The following ODC1 variants were observed in gnomAD, a reference collection of about 807,000 sequenced individuals.
ODC1 encodes ornithine decarboxylase.
Under a neutral mutation model 41.5 loss-of-function variants are expected in ODC1, and 18 were observed. That is an observed-to-expected ratio of 0.43 (90% confidence interval 0.30 to 0.64). The LOEUF is 0.64. Among genes scored for constraint, ODC1 ranks in the 30% least tolerant of loss-of-function variants. The probability of loss-of-function intolerance (pLI) is 0.11; values close to 1 mark genes in which losing one functional copy is unlikely to be tolerated. For missense variants in ODC1, 504 were observed against 589.0 expected (o/e 0.86, Z 1.49); for synonymous variants, 218 against 211.6 (o/e 1.03, Z -0.26).
At chr2:10,442,196 G>T (rs1303250263) in intron 8 of ODC1, 22 bp from the exon 9 acceptor site, 1 of 1,578,074 alleles carries the variant, frequency 6.3e-7, no homozygotes, top group African/African-American at 1.4e-5. Flanking sequence ...AAACAGAAAA[G>T]AAAGAGCAGC....
intron 8 of ODC1, among the ~76,000 whole-genome samples, chr2:10,442,533 T>G (rs569274100): frequency 6.6e-6 from 1 of 152,330 alleles, no homozygotes; most frequent in Non-Finnish European, 1.5e-5. Flanking sequence ...TACGTCATGA[T>G]TTTAACAAAC....
chr2:10,441,461 G>C, intron 11 of ODC1, 48 bp downstream of exon 11: 1 of 1,564,838 alleles, frequency 6.4e-7, no homozygotes. Context: ...ACACATCCAA[G>C]AAGGTGCCTA....
chr2:10,441,481 G>A, intron 11 of ODC1, 28 bp downstream of exon 11: 1 of 1,605,508 alleles, frequency 6.2e-7, no homozygotes, highest in Non-Finnish European at 8.5e-7. Flanking sequence ...ATTCTTGGCA[G>A]CACCATCAAC....
intron 4 of ODC1, 36 bp downstream of exon 4, chr2:10,444,438 T>C: frequency 6.4e-7 from 1 of 1,567,700 alleles, no homozygotes; most frequent in African/African-American, 1.4e-5. Context: ...AGGCCCATTT[T>C]ATACAACGCT....
In ODC1 at chr2:10,443,683, T is replaced by G. The variant is rs890498169; in HGVS notation, c.584+19A>C. 2.5e-6 allele frequency: 4 copies of G among 1,613,596 alleles called. No individual in the cohort carries two copies. The highest frequency in any genetic ancestry group is 3.4e-6 in the Non-Finnish European group (4 of 1,179,498). On this transcript the variant is annotated intron_variant, in intron 6 of 11. Transcript: ENST00000234111. Reference sequence around the variant, plus strand: ...ACTGTTCAATGTCTTGACCTCTAGCTATCCCACCAAAATCTCACCTGACAC... The same window carrying G: ...ACTGTTCAATGTCTTGACCTCTAGCGATCCCACCAAAATCTCACCTGACAC...
Position 10,442,090 on chromosome 2 carries a change from A to G in ODC1, c.835T>C (p.Tyr279His). Reference sequence around the variant, plus strand: ...GCAAGCGTGAAAGCTGATGCAACATAGTATCTGCCGGGCTCAGCTATGATT... The same window carrying G: ...GCAAGCGTGAAAGCTGATGCAACATGGTATCTGCCGGGCTCAGCTATGATT... Reference protein sequence around the residue: ...VRIIAEPGRYYVASAFTLAVN... With the variant: ...VRIIAEPGRYHVASAFTLAVN... Residue 279 changes from tyrosine to histidine, a missense_variant, in exon 9 of 12, where the codon TAT becomes CAT. Transcript: ENST00000234111. The G allele has an allele frequency of 6.2e-7, 1 of 1,614,138 alleles. No individual in the cohort carries two copies. Among genetic ancestry groups the G allele is most frequent in the Non-Finnish European group, 8.5e-7 (1 of 1,179,968 alleles).
In ODC1 at chr2:10,441,677, G is replaced by C; in HGVS notation, c.1073C>G (p.Pro358Arg). The C allele has an allele frequency of 1.2e-6, 2 of 1,614,162 alleles. No homozygotes were observed. The highest frequency in any genetic ancestry group is 1.7e-6 in the Non-Finnish European group (2 of 1,180,036). The change falls in exon 11 of 12, where the codon CCA (proline) becomes CGA (arginine). Residue 358 changes from proline (P) to arginine (R), a missense_variant. Coordinates refer to ENST00000234111, the MANE Select transcript of ODC1 (RefSeq NM_002539.3). ...EKYYSSSIWGPTCDGLDRIVE... is the reference protein window; with the variant it reads ...EKYYSSSIWGRTCDGLDRIVE... ...AATCCGATCGAGGCCATCACATGTT[G>C]GTCCCCATATGCTGGATGAATAATA...
intron 8 of ODC1, among the ~76,000 whole-genome samples, chr2:10,442,437 C>T (rs532275988): frequency 1.8e-4 from 27 of 152,264 alleles, no homozygotes; most frequent in African/African-American, 3.4e-4. Context: ...AAGAACAGTA[C>T]GCAACTAACT....
In ODC1 at chr2:10,442,936, CTCCTGGGCTCAAGT is replaced by C. The variant is rs1388586079; in HGVS notation, c.750+280_750+293del. On this transcript the variant is annotated intron_variant, in intron 8 of 11. Coordinates refer to ENST00000234111, the MANE Select transcript of ODC1 (RefSeq NM_002539.3). ...CTGTGTTGCCCAGGCTGGTCTCAAA[CTCCTGGGCTCAAGT>C]GATCCTACCACCTTGGCCTCCCCAA... is the stretch of plus-strand genomic sequence containing the variant. 2.0e-5 allele frequency among the ~76,000 whole-genome samples: 3 copies of C among 152,152 alleles called. No individual in the cohort carries two copies. In the East Asian group the frequency reaches 5.8e-4, roughly 29 times the overall value.
intron 5 of ODC1, 24 bp downstream of exon 5, chr2:10,444,071 C>A (rs775689850): frequency 1.9e-6 from 3 of 1,558,876 alleles, no homozygotes; most frequent in Non-Finnish European, 2.6e-6. Flanking sequence ...CCCGATCTTG[C>A]CCTCAGATGG....
Position 10,443,482 on chromosome 2 carries a change from A to G in ODC1, c.666+8T>C, listed in dbSNP as rs754889450. 3 of 1,613,370 alleles carry G rather than the reference A, an allele frequency of 1.9e-6. No homozygotes were observed. The South Asian group carries it at 3.3e-5, about 18-fold the overall frequency. ...CCGCCCTTCCCTAACAGGGTCACGT[A>G]TACTCACCCCCATGTCAAAAACACA... On this transcript the variant is annotated splice_region_variant and intron_variant, in intron 7 of 11. Transcript: ENST00000234111.
chr2:10,447,255 A>C (rs1672053394), intron 1 of ODC1, among the ~76,000 whole-genome samples: 1 of 152,194 alleles, frequency 6.6e-6, no homozygotes, highest in South Asian at 2.1e-4. Flanking sequence ...TGGTCAATCA[A>C]TTAGCACAAG....
intron 1 of ODC1, chr2:10,446,789 C>A: frequency 2.4e-6 from 1 of 423,498 alleles, no homozygotes; most frequent in Non-Finnish European, 4.5e-6. Context: ...ACAGTTTGCT[C>A]TGGCATGGGG....
At chr2:10,444,805 G>C (rs1450811576) in intron 3 of ODC1, 126 bp downstream of exon 3, 4 of 846,252 alleles carry the variant, frequency 4.7e-6, no homozygotes, top group Non-Finnish European at 7.5e-6. Context: ...TTTACCACCA[G>C]TGAATTAATT....
At chr2:10,444,861 G>T in intron 3 of ODC1, 70 bp downstream of exon 3, 1 of 1,138,452 alleles carries the variant, frequency 8.8e-7, no homozygotes, top group South Asian at 1.3e-5. Flanking sequence ...CTCTTCCTTA[G>T]ACCTTGCCAA....
Position 10,445,027 on chromosome 2 carries a change from G to C in ODC1, c.6C>G (p.Asn2Lys). ...AGTCAAACTCTTCATTACCAAAGTTGTTCATGATTTCTTGATGTTCCTCTG... is the reference window on the plus strand; with the variant it reads ...AGTCAAACTCTTCATTACCAAAGTTCTTCATGATTTCTTGATGTTCCTCTG... M[N>K]NFGNEEFDCH... Residue 2 changes from asparagine to lysine, a missense_variant, in exon 3 of 12, where the codon AAC becomes AAG. Coordinates refer to ENST00000234111, the MANE Select transcript of ODC1 (RefSeq NM_002539.3). The C allele has an allele frequency of 6.2e-7, 1 of 1,607,776 alleles. No homozygotes were observed. The highest frequency in any genetic ancestry group is 8.5e-7 in the Non-Finnish European group (1 of 1,174,330).
intron 1 of ODC1, chr2:10,447,760 A>G (rs1672077147): frequency 1.3e-5 from 2 of 151,960 alleles, no homozygotes; most frequent in Non-Finnish European, 2.9e-5. Context: ...GCGCCCCTGC[A>G]CCTGCTGCGC....
At chr2:10,445,096 G>A (rs1671963973) in intron 2 of ODC1, 47 bp from the exon 3 acceptor site, 3 of 979,654 alleles carry the variant, frequency 3.1e-6, no homozygotes, top group Non-Finnish European at 4.9e-6. Flanking sequence ...TCACTTAGAA[G>A]CCTTAGCAAT....
rs1483263101 is a variant in ODC1, at chr2:10,445,011, C to A, written c.22G>T (p.Glu8Ter). The stretch of plus-strand genomic sequence containing the variant: ...TCATCGAGGAAGTGGCAGTCAAACT[C>A]TTCATTACCAAAGTTGTTCATGATT... MNNFGNE[E>*]FDCHFLDEGF... The change falls in exon 3 of 12, where the codon GAG becomes TAG. Residue 8 changes from glutamate (E) to a stop codon, truncating the protein, a stop_gained. Coordinates refer to ENST00000234111, the MANE Select transcript of ODC1 (RefSeq NM_002539.3). LOFTEE classifies it high-confidence loss of function. 6.2e-7 allele frequency: 1 copy of A among 1,612,750 alleles called. No homozygotes were observed.
Sources: gnomAD v4.1 joint callset for allele counts (sites outside exome capture counted in the v4.1 genomes callset) on GRCh38, gnomAD v4.1.1 for gene constraint, MANE v1.5 for transcripts, NCBI Gene and HGNC (gene_info 2026-07-23, HGNC 2026-07-21) for gene names.